Variants in HS3ST5 observed in about 807,000 individuals in gnomAD.
HS3ST5 encodes heparan sulfate glucosamine 3-O-sulfotransferase 5.
Under a neutral mutation model 25.4 loss-of-function variants are expected in HS3ST5, and 10 were observed. The ratio of observed to expected loss-of-function variants is 0.39; its 90% confidence interval spans 0.24 to 0.67. HS3ST5 has a LOEUF of 0.67. Ranked by LOEUF, HS3ST5 falls within the 30% of genes least tolerant of loss-of-function variation. The pLI, the probability that HS3ST5 is intolerant of heterozygous loss-of-function variation, is 0.44. For missense variants in HS3ST5, 324 were observed against 420.7 expected (o/e 0.77, Z 2.01); for synonymous variants, 170 against 162.4 (o/e 1.05, Z -0.36).
At chr6:114,267,129 G>A (rs1773438047) in intron 1 of HS3ST5, among the ~76,000 whole-genome samples, 1 of 151,936 alleles carries the variant, frequency 6.6e-6, no homozygotes, top group Non-Finnish European at 1.5e-5. Flanking sequence ...GGAGGTATGG[G>A]AAAAAAATCA....
chr6:114,181,354 G>A (rs1779960527), intron 2 of HS3ST5, among the ~76,000 whole-genome samples: 1 of 152,188 alleles, frequency 6.6e-6, no homozygotes, highest in South Asian at 2.1e-4. Flanking sequence ...AAATTTCATA[G>A]ATACAATGTG....
chr6:114,291,528 C>T (rs951509558), intron 1 of HS3ST5, among the ~76,000 whole-genome samples: 1 of 152,044 alleles, frequency 6.6e-6, no homozygotes, highest in Non-Finnish European at 1.5e-5. Context: ...ATGGGGTATT[C>T]GATTTGTAGA....
intron 1 of HS3ST5, among the ~76,000 whole-genome samples, chr6:114,291,666 A>G (rs923628909): frequency 6.6e-6 from 1 of 152,198 alleles, no homozygotes; most frequent in African/African-American, 2.4e-5. Flanking sequence ...TGTCTGATAA[A>G]TGGATGGTGC....
chr6:114,120,683 T>C (rs1236653541), intron 3 of HS3ST5, among the ~76,000 whole-genome samples: 3 of 91,740 alleles, frequency 3.3e-5, no homozygotes, highest in Admixed American at 1.4e-4. Flanking sequence ...AGATATAAAG[T>C]TGCTTTTCAG....
At chr6:114,272,220 A>G (rs925719504) in intron 1 of HS3ST5, among the ~76,000 whole-genome samples, 2 of 152,044 alleles carry the variant, frequency 1.3e-5, no homozygotes, top group Non-Finnish European at 2.9e-5. Context: ...ATTGAATCCT[A>G]GATTTGGTAG....
intron 1 of HS3ST5, among the ~76,000 whole-genome samples, chr6:114,240,557 G>T (rs772291251): frequency 2.6e-5 from 4 of 152,124 alleles, no homozygotes; most frequent in African/African-American, 9.7e-5. Flanking sequence ...CACGAAGCTG[G>T]TGTTGCTGTT....
chr6:114,244,511 C>G (rs1042532179), intron 1 of HS3ST5, among the ~76,000 whole-genome samples: 1 of 152,126 alleles, frequency 6.6e-6, no homozygotes, highest in African/African-American at 2.4e-5. Flanking sequence ...GTTAAAATAT[C>G]TAGCTCATTT....
chr6:114,170,227 G>C (rs1779412864), intron 2 of HS3ST5, among the ~76,000 whole-genome samples: 1 of 151,990 alleles, frequency 6.6e-6, no homozygotes, highest in Admixed American at 6.5e-5. Flanking sequence ...AAAACTAGCT[G>C]ATGATTTTTT....
chr6:114,072,134 T>C (rs540342545), intron 3 of HS3ST5, among the ~76,000 whole-genome samples: 3 of 152,288 alleles, frequency 2.0e-5, no homozygotes, highest in South Asian at 4.1e-4. Flanking sequence ...GCAGATTTTA[T>C]TGGTAGAAAA....
Position 114,058,007 on chromosome 6 carries a change from C to G in HS3ST5, c.291G>C (p.Gly97=), listed in dbSNP as rs1331682754. The change falls in exon 5 of 5, where the codon GGG becomes GGC. Residue 97 remains glycine (G), a synonymous_variant. Coordinates refer to ENST00000312719, the MANE Select transcript of HS3ST5 (RefSeq NM_153612.4). ...GGGCCCTTGTGCCTCCTTTCCTCAC[C>G]CCAATGATAATGGCCTTGGGGAGCT... ...VQQLPKAIII[G]VRKGGTRALL... The G allele has an allele frequency of 1.2e-6, 2 of 1,614,172 alleles. No individual in the cohort carries two copies. The highest frequency in any genetic ancestry group is 1.7e-6 in the Non-Finnish European group (2 of 1,180,040).
Position 114,313,025 on chromosome 6 carries a change from G to GAAAAAA in HS3ST5, c.-339+29164_-339+29169dup, listed in dbSNP as rs5879258. On this transcript the variant is annotated intron_variant, in intron 1 of 4. Transcript: ENST00000312719. ...GGTGAGAGAAAGAGACCCTGCATCAGAAAAAAAAAAAAAAAAAAAAAAAAA... is the reference window on the plus strand; with the variant it reads ...GGTGAGAGAAAGAGACCCTGCATCAGAAAAAAAAAAAAAAAAAAAAAAAAAAAAAAA... Among the ~76,000 whole-genome samples, 39 of 16,126 alleles carry GAAAAAA rather than the reference G, an allele frequency of 2.4e-3. 4 individuals are homozygous for GAAAAAA. Among genetic ancestry groups the GAAAAAA allele is most frequent in the African/African-American group, 3.7e-3 (16 of 4,284 alleles). The allele number at this position is 16,126 out of a possible 152,430, so 10.6% of individuals were successfully genotyped here.
intron 2 of HS3ST5, among the ~76,000 whole-genome samples, chr6:114,196,140 G>A (rs914500758): frequency 8.6e-5 from 13 of 151,984 alleles, no homozygotes; most frequent in African/African-American, 2.2e-4. Flanking sequence ...TTAAACTTTC[G>A]CTCCAACCTC....
rs951696507 is a variant in HS3ST5, at chr6:114,159,492, T to A, written c.-33+8859A>T. On this transcript the variant is annotated intron_variant, in intron 3 of 4. Transcript: ENST00000312719. ...TATGACTATGTTTATACTGTGTTCATAAAAACAGGAAAATCTAATCTACAG... is the reference window on the plus strand; with the variant it reads ...TATGACTATGTTTATACTGTGTTCAAAAAAACAGGAAAATCTAATCTACAG... Among the ~76,000 whole-genome samples the A allele has an allele frequency of 5.9e-5, 9 of 152,188 alleles. 1 individual carries two copies. Among genetic ancestry groups the A allele is most frequent in the Non-Finnish European group, 1.2e-4 (8 of 68,024 alleles).
intron 1 of HS3ST5, among the ~76,000 whole-genome samples, chr6:114,255,294 G>T (rs950135036): frequency 9.8e-5 from 15 of 152,330 alleles, no homozygotes; most frequent in African/African-American, 3.6e-4. Context: ...GATGTAAGAG[G>T]TGGCTTCCTA....
chr6:114,096,469 A>C (rs1032590968), intron 3 of HS3ST5, among the ~76,000 whole-genome samples: 1 of 152,164 alleles, frequency 6.6e-6, no homozygotes, highest in Non-Finnish European at 1.5e-5. Flanking sequence ...GTGAATCTCC[A>C]AATGATTTCT....
intron 1 of HS3ST5, among the ~76,000 whole-genome samples, chr6:114,292,671 C>T (rs565278004): frequency 3.3e-5 from 5 of 152,304 alleles, no homozygotes; most frequent in East Asian, 3.9e-4. Context: ...TCAAGTTACT[C>T]ATGGTTTGGT....
intron 1 of HS3ST5, among the ~76,000 whole-genome samples, chr6:114,277,245 G>C (rs1034710466): frequency 1.3e-5 from 2 of 149,870 alleles, no homozygotes; most frequent in Admixed American, 1.3e-4. Flanking sequence ...TTTAATTCTT[G>C]TTTAAATTCT....
intron 3 of HS3ST5, among the ~76,000 whole-genome samples, chr6:114,108,017 C>T (rs1027469636): frequency 2.6e-5 from 4 of 151,962 alleles, no homozygotes; most frequent in African/African-American, 9.7e-5. Context: ...GGGAAATTCA[C>T]ATGGGAAGGC....
chr6:114,094,189 A>G (rs1443108950), intron 3 of HS3ST5, among the ~76,000 whole-genome samples: 1 of 152,216 alleles, frequency 6.6e-6, no homozygotes, highest in Non-Finnish European at 1.5e-5. Flanking sequence ...TGGATATAAT[A>G]TATGCCATTT....
Sources: allele counts gnomAD v4.1 joint callset (sites outside exome capture counted in the v4.1 genomes callset), GRCh38; gene constraint gnomAD v4.1.1; transcripts MANE v1.5; gene names NCBI Gene and HGNC (gene_info 2026-07-23, HGNC 2026-07-21).